ODR4: variants seen among roughly 807,000 people sequenced by gnomAD.
ODR4 encodes the protein protein odr-4 homolog.
A neutral mutation model predicts 60.2 loss-of-function variants in ODR4; 47 were observed. That is an observed-to-expected ratio of 0.78 (90% CI 0.62 to 1.00). The LOEUF (loss-of-function observed/expected upper bound fraction) is 1.00, where lower values mean the gene tolerates loss of function less well. Among genes scored for constraint, ODR4 ranks in the 50% least tolerant of loss-of-function variants. The pLI is 0.00. For missense variants in ODR4, 488 were observed against 530.8 expected (o/e 0.92, Z 0.79); for synonymous variants, 178 against 175.5 (o/e 1.01, Z -0.11).
intron 11 of ODR4, among the ~76,000 whole-genome samples, chr1:186,405,280 A>G (rs12082399): frequency 0.29 from 43,864 of 151,982 alleles, 6,887 homozygotes; most frequent in Admixed American, 0.38. Context: ...ATCTAGTAAG[A>G]TGAAATTCAT....
intron 11 of ODR4, chr1:186,400,597 G>C (rs1035105999): frequency 1.2e-5 from 2 of 162,472 alleles, no homozygotes; most frequent in African/African-American, 4.8e-5. Context: ...GCTTTTGAAG[G>C]GAATATTTTT....
At chr1:186,377,994 G>A (rs1045111592) in intron 1 of ODR4, among the ~76,000 whole-genome samples, 8 of 151,608 alleles carry the variant, frequency 5.3e-5, no homozygotes, top group East Asian at 1.9e-4. Flanking sequence ...GCATTGAGCC[G>A]AGATCGCGCC....
intron 12 of ODR4, among the ~76,000 whole-genome samples, chr1:186,412,110 T>C (rs1053157333): frequency 2.0e-5 from 3 of 152,170 alleles, no homozygotes; most frequent in African/African-American, 7.2e-5. Context: ...ATTAGGATTC[T>C]ACAGATAAAA....
At chr1:186,422,459 A>T (rs1285651253), downstream of ODR4, among the ~76,000 whole-genome samples, 5 of 152,218 alleles carry the variant, frequency 3.3e-5, no homozygotes, top group East Asian at 9.6e-4. Context: ...ATAAACATTT[A>T]GAATAATGTA....
At chr1:186,399,487 G>T (rs540197777) in intron 11 of ODR4, among the ~76,000 whole-genome samples, 3 of 152,018 alleles carry the variant, frequency 2.0e-5, no homozygotes, top group Admixed American at 2.0e-4. Flanking sequence ...GGGATTACAG[G>T]TGTGAGCCAC....
At chr1:186,430,314 C>T in the ODR4 span, among the ~76,000 whole-genome samples, 3 of 151,832 alleles carry the variant, frequency 2.0e-5, no homozygotes, top group Non-Finnish European at 2.9e-5. Context: ...ACTTCTGATC[C>T]CAGAAGAGCA....
rs1248445998 is a variant in ODR4, at chr1:186,393,986, TC to T, written c.752del (p.Ser251PhefsTer7). 6.6e-7 allele frequency: 1 copy of T among 1,520,324 alleles called. No homozygotes were observed. The highest frequency in any genetic ancestry group is 2.1e-5 in the Admixed American group (1 of 48,476). The allele number at this position is 1,520,324 out of a possible 1,614,324, so 94.2% of individuals were successfully genotyped here. A position where few individuals can be genotyped will look rare whatever the true frequency, so the allele number is the denominator to read the frequency against. On this transcript the variant is annotated frameshift_variant, in exon 9 of 14. Coordinates refer to ENST00000287859, the MANE Select transcript of ODR4 (RefSeq NM_017847.6). LOFTEE classifies it high-confidence loss of function. ...SRGNTQATSH[S>X]FDVRVLTQLL... Reference sequence around the variant, plus strand: ...AGGAAATACTCAAGCAACTAGTCATTCTTTTGATGTCAGAGTGCTAACGCAG... The same window carrying T: ...AGGAAATACTCAAGCAACTAGTCATTTTTTGATGTCAGAGTGCTAACGCAG...
At chr1:186,411,948 C>A in intron 12 of ODR4, 1 of 408,136 alleles carries the variant, frequency 2.5e-6, no homozygotes, top group Non-Finnish European at 3.3e-6. Flanking sequence ...GATGATATTA[C>A]ACATTTTTCT....
At chr1:186,381,932 T>G (rs903973046) in intron 2 of ODR4, among the ~76,000 whole-genome samples, 2 of 152,218 alleles carry the variant, frequency 1.3e-5, no homozygotes, top group African/African-American at 4.8e-5. Context: ...CCCAAGATGA[T>G]ACTAATGATC....
intron 12 of ODR4, among the ~76,000 whole-genome samples, chr1:186,407,175 C>T (rs1262784268): frequency 6.6e-6 from 1 of 152,020 alleles, no homozygotes; most frequent in African/African-American, 2.4e-5. Context: ...TTCTAAATTG[C>T]CCAATGCCTG....
At chr1:186,413,467 T>C (rs1661445835) in intron 12 of ODR4, among the ~76,000 whole-genome samples, 1 of 152,168 alleles carries the variant, frequency 6.6e-6, no homozygotes, top group Non-Finnish European at 1.5e-5. Flanking sequence ...AATTTGTTTG[T>C]CAAAATGACT....
At chr1:186,402,088 T>C (rs1400930710) in intron 11 of ODR4, among the ~76,000 whole-genome samples, 1 of 152,048 alleles carries the variant, frequency 6.6e-6, no homozygotes, top group Non-Finnish European at 1.5e-5. Context: ...TCTCTCTCTT[T>C]TTCTTCTTCC....
At chr1:186,385,704 ACAT>A (rs773792227) in intron 3 of ODR4, among the ~76,000 whole-genome samples, 4 of 152,172 alleles carry the variant, frequency 2.6e-5, no homozygotes, top group East Asian at 1.9e-4. Context: ...GAGGGTATAA[ACAT>A]CATTGACCAG....
intron 12 of ODR4, 59 bp downstream of exon 12, chr1:186,406,327 A>G (rs1661173184): frequency 7.8e-7 from 1 of 1,281,370 alleles, no homozygotes; most frequent in Non-Finnish European, 1.1e-6. Flanking sequence ...TTTACCTATG[A>G]GATGTCTAGT....
intron 12 of ODR4, among the ~76,000 whole-genome samples, chr1:186,416,819 G>A (rs1430527417): frequency 4.5e-5 from 6 of 133,626 alleles, no homozygotes; most frequent in East Asian, 4.5e-4. Context: ...TCATGCCACC[G>A]CACTCCAGCC....
At chr1:186,390,270 C>G (rs1660411530) in intron 6 of ODR4, among the ~76,000 whole-genome samples, 1 of 152,190 alleles carries the variant, frequency 6.6e-6, no homozygotes, top group South Asian at 2.1e-4. Context: ...CAGATTAGCA[C>G]TTTGCTAATG....
At chr1:186,378,283 C>A (rs1240857925) in intron 1 of ODR4, among the ~76,000 whole-genome samples, 2 of 152,174 alleles carry the variant, frequency 1.3e-5, no homozygotes, top group Non-Finnish European at 2.9e-5. Context: ...ATAAGATTCA[C>A]ATTTTTAACA....
rs1034462729 is a variant in ODR4, at chr1:186,420,840, G to C, written c.*1764G>C. The C allele has an allele frequency of 6.6e-6, 1 of 152,116 alleles. No individual in the cohort carries two copies. Among genetic ancestry groups the C allele is most frequent in the African/African-American group, 2.4e-5 (1 of 41,422 alleles). The allele number at this position is 152,116 out of a possible 1,614,324, so 9.4% of individuals were successfully genotyped here. On this transcript the variant is annotated 3_prime_UTR_variant, in exon 14 of 14. Coordinates refer to ENST00000287859, the MANE Select transcript of ODR4 (RefSeq NM_017847.6). Reference sequence around the variant, plus strand: ...AATAAAGGAGAGGCAGTACTTGAAAGATAACACAATTTTACAAATTTGTTG... The same window carrying C: ...AATAAAGGAGAGGCAGTACTTGAAACATAACACAATTTTACAAATTTGTTG...
At chr1:186,389,814 G>GTC (rs1660391694) in intron 6 of ODR4, among the ~76,000 whole-genome samples, 190 bp downstream of exon 6, 1 of 152,042 alleles carries the variant, frequency 6.6e-6, no homozygotes, top group Admixed American at 6.6e-5. Flanking sequence ...GCGTGACAGG[G>GTC]TCTCACTCTC....
Sources: gnomAD v4.1 joint callset for allele counts (sites outside exome capture counted in the v4.1 genomes callset) on GRCh38, gnomAD v4.1.1 for gene constraint, MANE v1.5 for transcripts, NCBI Gene and HGNC (gene_info 2026-07-23, HGNC 2026-07-21) for gene names.